The following NLGN4X variants were observed in gnomAD, a reference collection of about 807,000 sequenced individuals.
The protein encoded by NLGN4X is neuroligin 4 X-linked, also known as neuroligin-4, X-linked.
NLGN4X carries 3 observed loss-of-function variants against 40.3 expected under a neutral mutation model. The observed-to-expected ratio is 0.07, with a 90% CI of 0.03 to 0.19. The LOEUF is 0.19. NLGN4X is among the 10% of genes least tolerant of loss of function. The pLI is 1.00. For missense variants in NLGN4X, 382 were observed against 708.3 expected (o/e 0.54, Z 5.23); for synonymous variants, 270 against 306.8 (o/e 0.88, Z 1.25).
At chrX:6,131,043 T>A (rs2039668388) in intron 2 of NLGN4X, among the ~76,000 whole-genome samples, 1 of 111,914 alleles carries the variant, frequency 8.9e-6, no homozygotes, top group South Asian at 3.7e-4. Context: ...TCTGCAAAGA[T>A]GAAAAGACGA....
intron 2 of NLGN4X, among the ~76,000 whole-genome samples, chrX:6,142,152 T>A (rs2039960392): frequency 8.9e-6 from 1 of 112,549 alleles, no homozygotes; most frequent in African/African-American, 3.2e-5. Flanking sequence ...AATTGCAAAT[T>A]GAATTGAATT....
intron 2 of NLGN4X, among the ~76,000 whole-genome samples, chrX:6,145,251 T>C (rs1314956516): frequency 9.0e-6 from 1 of 111,529 alleles, no homozygotes; most frequent in Non-Finnish European, 1.9e-5. Context: ...TGGAACTTTG[T>C]CCCTCACTGG....
rs745486244 is a variant in NLGN4X at position 6,075,225 on chromosome X, C to A, written c.473-45793G>T. Among the ~76,000 whole-genome samples, 9 of 111,511 alleles carry A rather than the reference C, an allele frequency of 8.1e-5. No individual in the cohort carries two copies. In the East Asian group the frequency reaches 1.4e-3, roughly 18 times the overall value. On this transcript the variant is annotated intron_variant, in intron 2 of 5. Transcript: ENST00000381095. ...CTGGAGTTAACACAGCTACACTGGA[C>A]AAGGTGCAAAGAGCACTTTGCAGAG...
chrX:5,924,062 G>C (rs1446355073), intron 3 of NLGN4X, among the ~76,000 whole-genome samples: 1 of 111,426 alleles, frequency 9.0e-6, no homozygotes, highest in East Asian at 2.8e-4. Context: ...CCTTTAATTA[G>C]CAGTGGGGGG....
At chrX:6,115,855 C>G (rs1024926340) in intron 2 of NLGN4X, among the ~76,000 whole-genome samples, 3 of 111,533 alleles carry the variant, frequency 2.7e-5, no homozygotes, top group Non-Finnish European at 5.6e-5. Flanking sequence ...GTTCCAAATG[C>G]CCAGTGCTTT....
intron 1 of NLGN4X, among the ~76,000 whole-genome samples, chrX:6,203,503 G>A (rs111739886): frequency 0.1 from 11,451 of 112,042 alleles, 487 homozygotes; most frequent in South Asian, 0.17. Flanking sequence ...AAGTGCAAAA[G>A]TGACAAGGTG....
At chrX:6,005,488 G>C (rs1231284013) in intron 3 of NLGN4X, among the ~76,000 whole-genome samples, 3 of 111,004 alleles carry the variant, frequency 2.7e-5, no homozygotes, top group Non-Finnish European at 5.7e-5. Flanking sequence ...TCAACACACA[G>C]CCCTGGGTTG....
intron 3 of NLGN4X, among the ~76,000 whole-genome samples, chrX:5,933,909 T>C (rs1175636371): frequency 9.0e-6 from 1 of 111,440 alleles, no homozygotes; most frequent in Non-Finnish European, 1.9e-5. Flanking sequence ...AGACTAAAAT[T>C]ATCAAGAATA....
intron 2 of NLGN4X, among the ~76,000 whole-genome samples, chrX:6,141,712 G>C (rs746634765): frequency 6.3e-5 from 7 of 110,471 alleles, no homozygotes; most frequent in African/African-American, 2.3e-4. Context: ...CCAGGTACTC[G>C]GCAGGCTGAG....
At chrX:5,927,866 C>T (rs1176157271) in intron 3 of NLGN4X, among the ~76,000 whole-genome samples, 1 of 112,420 alleles carries the variant, frequency 8.9e-6, no homozygotes, top group African/African-American at 3.2e-5. Flanking sequence ...TTTCTTATTT[C>T]CCGTGTTAAT....
At chrX:5,953,361 G>A (rs1248158632) in intron 3 of NLGN4X, among the ~76,000 whole-genome samples, 1 of 110,702 alleles carries the variant, frequency 9.0e-6, no homozygotes, top group Non-Finnish European at 1.9e-5. Flanking sequence ...GGGTAACAAA[G>A]CAAGACCCTG....
intron 3 of NLGN4X, among the ~76,000 whole-genome samples, chrX:5,986,607 A>T (rs187218803): frequency 2.8e-4 from 31 of 112,237 alleles, no homozygotes; most frequent in African/African-American, 1.0e-3. Flanking sequence ...ATAAATCATT[A>T]AAAACATGGA....
At chrX:6,084,870 G>C (rs1208959567) in intron 2 of NLGN4X, among the ~76,000 whole-genome samples, 2 of 110,505 alleles carry the variant, frequency 1.8e-5, no homozygotes, top group African/African-American at 6.6e-5. Context: ...TCTGGAACTA[G>C]GAGAAATAAA....
At chrX:6,074,311 G>A (rs898925996) in intron 2 of NLGN4X, among the ~76,000 whole-genome samples, 1 of 111,506 alleles carries the variant, frequency 9.0e-6, no homozygotes. Flanking sequence ...AGTTTCCATG[G>A]TTCCTAGAGT....
intron 2 of NLGN4X, among the ~76,000 whole-genome samples, chrX:6,032,063 A>AC (rs1179710237): frequency 1.0e-4 from 8 of 78,383 alleles, no homozygotes; most frequent in East Asian, 8.7e-4. Context: ...TATCTTCCCC[A>AC]CCCCCCCTTA....
Position 5,891,606 on chromosome X carries a change from T to C in NLGN4X, c.*1211A>G. ...GCCCCACCAAAGGCAAGCTTTCTTCTTTTTTTGGCAGGGCCCTGAAATGGG... is the reference window on the plus strand; with the variant it reads ...GCCCCACCAAAGGCAAGCTTTCTTCCTTTTTTGGCAGGGCCCTGAAATGGG... On this transcript the variant is annotated 3_prime_UTR_variant, in exon 6 of 6. Coordinates refer to ENST00000381095, the MANE Select transcript of NLGN4X (RefSeq NM_181332.3). The C allele has an allele frequency of 4.1e-6, 1 of 246,625 alleles. No individual in the cohort carries two copies. The highest frequency in any genetic ancestry group is 7.4e-6 in the Non-Finnish European group (1 of 134,850). 20.3% of individuals were successfully genotyped at this position (246,625 alleles called of 1,213,427 possible).
chrX:6,013,168 T>C (rs2036298764), intron 3 of NLGN4X, among the ~76,000 whole-genome samples: 1 of 111,915 alleles, frequency 8.9e-6, no homozygotes, highest in African/African-American at 3.2e-5. Context: ...TGTAGATTTT[T>C]CTAAACTACA....
chrX:6,095,221 T>C (rs918529756), intron 2 of NLGN4X, among the ~76,000 whole-genome samples: 17 of 109,540 alleles, frequency 1.6e-4, no homozygotes, highest in African/African-American at 5.3e-4. Context: ...TCTACTCAGA[T>C]TGCATGCTAT....
At chrX:6,203,628 C>T (rs1412368482) in intron 1 of NLGN4X, among the ~76,000 whole-genome samples, 1 of 111,936 alleles carries the variant, frequency 8.9e-6, no homozygotes, top group East Asian at 2.8e-4. Context: ...ACACGTCTAG[C>T]CCTAGGGAGA....
Sources: gnomAD v4.1 joint callset for allele counts (sites outside exome capture counted in the v4.1 genomes callset) on GRCh38, gnomAD v4.1.1 for gene constraint, MANE v1.5 for transcripts, NCBI Gene and HGNC (gene_info 2026-07-23, HGNC 2026-07-21) for gene names.